The following UTRN variants were observed in gnomAD, a reference collection of about 807,000 sequenced individuals.
The protein encoded by UTRN is utrophin.
UTRN carries 283 observed loss-of-function variants against 463.9 expected under a neutral mutation model. The observed-to-expected ratio is 0.61, with a 90% confidence interval of 0.55 to 0.67. UTRN has a LOEUF of 0.67. Ranked by LOEUF, UTRN falls within the 30% of genes least tolerant of loss-of-function variation. The pLI is 0.00. For missense variants in UTRN, 3,922 were observed against 4,084.3 expected (o/e 0.96, Z 1.08); for synonymous variants, 1,442 against 1,431.5 (o/e 1.01, Z -0.17).
At chr6:144,440,276 T>G in intron 12 of UTRN, 76 bp from the exon 13 acceptor site, 1 of 1,493,296 alleles carries the variant, frequency 6.7e-7, no homozygotes, top group Non-Finnish European at 9.3e-7. Flanking sequence ...CCTTAATTAC[T>G]ATTGACAACT....
At chr6:144,394,853 T>C (rs571865992) in intron 2 of UTRN, among the ~76,000 whole-genome samples, 1 of 152,210 alleles carries the variant, frequency 6.6e-6, no homozygotes, top group Non-Finnish European at 1.5e-5. Context: ...ATGAGAAAAA[T>C]ATTATTTGAA....
At chr6:144,759,375 G>C (rs929875215) in intron 58 of UTRN, among the ~76,000 whole-genome samples, 1 of 152,092 alleles carries the variant, frequency 6.6e-6, no homozygotes, top group Non-Finnish European at 1.5e-5. Context: ...AATAATAATA[G>C]TAATAGTATT....
chr6:144,396,228 A>C (rs1201619111), intron 2 of UTRN, among the ~76,000 whole-genome samples: 1 of 152,240 alleles, frequency 6.6e-6, no homozygotes. Flanking sequence ...AAGCTACAAC[A>C]TGGATGAAAC....
chr6:144,448,873 A>G (rs1787963993), intron 17 of UTRN, 104 bp downstream of exon 17: 4 of 1,274,478 alleles, frequency 3.1e-6, no homozygotes. Context: ...AAATCTAGAC[A>G]TAATAAGTAT....
chr6:144,347,058 T>C (rs2223428), intron 2 of UTRN, among the ~76,000 whole-genome samples: 9,917 of 152,272 alleles, frequency 0.065, 1,087 homozygotes, highest in African/African-American at 0.22. Context: ...CATTTAGGCA[T>C]CTATGAAGGC....
chr6:144,430,450 A>C (rs1329162328), intron 9 of UTRN, among the ~76,000 whole-genome samples: 2 of 152,164 alleles, frequency 1.3e-5, no homozygotes, highest in Admixed American at 6.5e-5. Flanking sequence ...ACTTGGTTCA[A>C]CATTCTAGTG....
At position 144,700,381 on chromosome 6, in the gene UTRN, C is replaced by T. The variant is rs575367919; in HGVS notation, c.7809+138C>T. 7.1e-6 allele frequency: 7 copies of T among 990,298 alleles called. No individual in the cohort carries two copies. The East Asian group carries it at 1.9e-4, about 27-fold the overall frequency. The allele number at this position is 990,298 out of a possible 1,614,324, so 61.3% of individuals were successfully genotyped here. On this transcript the variant is annotated intron_variant, in intron 53 of 74. Coordinates refer to ENST00000367545, the MANE Select transcript of UTRN (RefSeq NM_007124.3). ...CCCCACCACCGTCTGCTTTTAGTTG[C>T]CAGTAGACATTTAAAGTGCATACAT...
Position 144,548,677 on chromosome 6 carries a change from T to A in UTRN, c.6633T>A (p.Ser2211=), listed in dbSNP as rs1282029945. The change falls in exon 47 of 75, where the codon TCT becomes TCA. Residue 2211 remains serine (S), a synonymous_variant. Transcript: ENST00000367545. ...PNVQKVVLVS[S]ASDIPVQSHR... is the part of the protein sequence containing the mutation. ...TCCAAAAGGTGGTGCTAGTATCATC[T>A]GCGTCAGATATTCCTGTTCAGTCTC... is the stretch of plus-strand genomic sequence containing the variant. The A allele has an allele frequency of 4.3e-6, 7 of 1,614,042 alleles. No individual in the cohort carries two copies. In the African/African-American group the frequency reaches 5.3e-5, roughly 12 times the overall value.
intron 51 of UTRN, among the ~76,000 whole-genome samples, chr6:144,664,193 A>AATGTGTGTGC (rs1780158928): frequency 6.6e-6 from 1 of 152,176 alleles, no homozygotes; most frequent in African/African-American, 2.4e-5. Flanking sequence ...ATTATATACC[A>AATGTGTGTGC]ATGTGTGTGC....
chr6:144,690,072 C>CTTTTTTTT (rs1428641511), intron 52 of UTRN, among the ~76,000 whole-genome samples: 2 of 35,656 alleles, frequency 5.6e-5, no homozygotes, highest in Non-Finnish European at 9.7e-5. Context: ...CCAAAAGTTT[C>CTTTTTTTT]TGTTTTTTTT....
At chr6:144,383,026 G>A (rs181176775) in intron 2 of UTRN, among the ~76,000 whole-genome samples, 1 of 152,238 alleles carries the variant, frequency 6.6e-6, no homozygotes, top group Admixed American at 6.5e-5. Flanking sequence ...CGAACTCTTG[G>A]GTTCAAGTGA....
intron 65 of UTRN, among the ~76,000 whole-genome samples, chr6:144,812,022 G>A (rs1371375967): frequency 2.6e-5 from 4 of 151,910 alleles, no homozygotes; most frequent in African/African-American, 9.7e-5. Context: ...ATTCATATTT[G>A]TAATTAACAA....
chr6:144,519,525 C>T (rs981189741), intron 39 of UTRN, among the ~76,000 whole-genome samples: 4 of 152,038 alleles, frequency 2.6e-5, no homozygotes, highest in Non-Finnish European at 5.9e-5. Flanking sequence ...GTTTCTGTGT[C>T]CTTGGAGAAT....
At chr6:144,635,278 G>A (rs1004008321) in intron 51 of UTRN, among the ~76,000 whole-genome samples, 6 of 150,628 alleles carry the variant, frequency 4.0e-5, no homozygotes, top group African/African-American at 1.5e-4. Flanking sequence ...TGCCTACTAA[G>A]TAGCTGGGAC....
intron 2 of UTRN, among the ~76,000 whole-genome samples, chr6:144,366,022 G>A (rs1285661115): frequency 6.6e-6 from 1 of 151,132 alleles, no homozygotes; most frequent in Non-Finnish European, 1.5e-5. Flanking sequence ...ACAGGCGTGA[G>A]CCACCGCACC....
At chr6:144,731,837 A>C (rs80183347) in intron 54 of UTRN, among the ~76,000 whole-genome samples, 312 of 150,944 alleles carry the variant, frequency 2.1e-3, no homozygotes, top group African/African-American at 7.3e-3. Flanking sequence ...AGTGGTCTAC[A>C]AATCACTCAT....
intron 62 of UTRN, 99 bp from the exon 63 acceptor site, chr6:144,793,735 T>G: frequency 6.9e-7 from 1 of 1,442,696 alleles, no homozygotes; most frequent in Non-Finnish European, 9.3e-7. Context: ...TTCTGAAATT[T>G]TTTTAATCTG....
chr6:144,778,611 A>G (rs1009045253), intron 60 of UTRN, among the ~76,000 whole-genome samples: 1 of 151,156 alleles, frequency 6.6e-6, no homozygotes, highest in African/African-American at 2.4e-5. Context: ...AATGCTAATA[A>G]TAATAATAAT....
chr6:144,609,010 G>C (rs769296825), intron 51 of UTRN, among the ~76,000 whole-genome samples: 1 of 152,126 alleles, frequency 6.6e-6, no homozygotes, highest in Non-Finnish European at 1.5e-5. Context: ...ATTCCAAAAC[G>C]GCAGTAGCAA....
Sources: allele counts gnomAD v4.1 joint callset (sites outside exome capture counted in the v4.1 genomes callset), GRCh38; gene constraint gnomAD v4.1.1; transcripts MANE v1.5; gene names NCBI Gene and HGNC (gene_info 2026-07-23, HGNC 2026-07-21).